Variants in SLC26A7 observed in about 807,000 individuals in gnomAD.
SLC26A7 encodes anion exchange transporter.
SLC26A7 carries 59 observed loss-of-function variants against 82.5 expected under a neutral mutation model. That is an observed-to-expected ratio of 0.72 (90% CI 0.58 to 0.89). SLC26A7 has a LOEUF of 0.89. Among genes scored for constraint, SLC26A7 ranks in the 40% least tolerant of loss-of-function variants. The pLI is 0.00. For synonymous variants in SLC26A7, 271 were observed against 274.3 expected (o/e 0.99, Z 0.12); for missense variants, 820 against 793.0 (o/e 1.03, Z -0.41).
intron 3 of SLC26A7, among the ~76,000 whole-genome samples, chr8:91,289,494 G>A (rs1291548452): frequency 1.3e-5 from 2 of 152,118 alleles, no homozygotes; most frequent in Non-Finnish European, 1.5e-5. Flanking sequence ...CACAAAAGAA[G>A]GGAGATGGGG....
At chr8:91,360,097 A>G (rs1355933020) in intron 11 of SLC26A7, among the ~76,000 whole-genome samples, 1 of 152,210 alleles carries the variant, frequency 6.6e-6, no homozygotes, top group African/African-American at 2.4e-5. Context: ...TCATTGGCTC[A>G]GAACTAAGTT....
At chr8:91,309,869 G>A (rs1812429372) in intron 4 of SLC26A7, among the ~76,000 whole-genome samples, 3 of 152,112 alleles carry the variant, frequency 2.0e-5, no homozygotes, top group Admixed American at 6.5e-5. Context: ...AGGGGAGCAT[G>A]TATAGTGTGT....
At chr8:91,380,555 C>A (rs534832734) in intron 15 of SLC26A7, among the ~76,000 whole-genome samples, 116 of 152,144 alleles carry the variant, frequency 7.6e-4, no homozygotes, top group African/African-American at 2.5e-3. Context: ...ACATTTATTC[C>A]CATGTAAGTA....
At chr8:91,245,086 G>C (rs950259723), upstream of SLC26A7, among the ~76,000 whole-genome samples, 32 of 152,108 alleles carry the variant, frequency 2.1e-4, no homozygotes, top group Non-Finnish European at 3.7e-4. Flanking sequence ...TTATATATGT[G>C]CGTCCATATT....
At chr8:91,326,594 G>T (rs1157026249) in intron 5 of SLC26A7, among the ~76,000 whole-genome samples, 1 of 152,090 alleles carries the variant, frequency 6.6e-6, no homozygotes, top group East Asian at 1.9e-4. Flanking sequence ...CTGAAGTACT[G>T]GGGGTTAGGA....
intron 5 of SLC26A7, among the ~76,000 whole-genome samples, chr8:91,326,275 C>G (rs2130819178): frequency 6.6e-6 from 1 of 152,284 alleles, no homozygotes; most frequent in South Asian, 2.1e-4. Flanking sequence ...AGGGCTGCCA[C>G]AATAAACTAT....
intron 3 of SLC26A7, among the ~76,000 whole-genome samples, chr8:91,293,150 T>G (rs1176065425): frequency 1.3e-5 from 2 of 152,212 alleles, no homozygotes; most frequent in Non-Finnish European, 2.9e-5. Context: ...TTGACCAAGA[T>G]CAGAGGTTCA....
At chr8:91,306,595 CCA>C (rs1221713246) in intron 4 of SLC26A7, among the ~76,000 whole-genome samples, 1 of 152,036 alleles carries the variant, frequency 6.6e-6, no homozygotes, top group Non-Finnish European at 1.5e-5. Context: ...GACATATAAC[CCA>C]CACAGTTTCC....
chr8:91,386,051 G>T (rs951767857), intron 15 of SLC26A7, among the ~76,000 whole-genome samples: 1 of 152,004 alleles, frequency 6.6e-6, no homozygotes, highest in Non-Finnish European at 1.5e-5. Context: ...AAATTGTAAG[G>T]TCTTGTTTGA....
intron 2 of SLC26A7, among the ~76,000 whole-genome samples, chr8:91,236,793 T>A (rs1217411601): frequency 6.6e-6 from 1 of 152,190 alleles, no homozygotes; most frequent in African/African-American, 2.4e-5. Flanking sequence ...TCATTATTAT[T>A]ACAAATAGTT....
rs1265224531 is a variant in SLC26A7 at position 91,295,542 on chromosome 8, T to G, written c.316T>G (p.Leu106Val). The G allele has an allele frequency of 1.2e-6, 2 of 1,612,618 alleles. No homozygotes were observed. The highest frequency in any genetic ancestry group is 1.3e-5 in the African/African-American group (1 of 74,920). The change falls in exon 4 of 19, where the codon TTG (leucine) becomes GTG (valine). Residue 106 changes from leucine (L) to valine (V), a missense_variant. By Grantham distance (32) the Leu-to-Val change is conservative. Coordinates refer to ENST00000276609, the MANE Select transcript of SLC26A7 (RefSeq NM_052832.4). Reference sequence around the variant, plus strand: ...CCACTTGGTTTCAGGCACCTTTGCCTTGACATCCTTAATATCAGCCAACGC... The same window carrying G: ...CCACTTGGTTTCAGGCACCTTTGCCGTGACATCCTTAATATCAGCCAACGC... ...GHHVATGTFALTSLISANAVE... is the reference protein window; with the variant it reads ...GHHVATGTFAVTSLISANAVE...
intron 2 of SLC26A7, among the ~76,000 whole-genome samples, chr8:91,256,490 A>C (rs951327338): frequency 2.0e-5 from 3 of 152,142 alleles, no homozygotes; most frequent in African/African-American, 4.8e-5. Context: ...TCTGGGTCTC[A>C]GTACATGTAT....
chr8:91,210,012 A>C (rs543867646), intron 1 of SLC26A7, among the ~76,000 whole-genome samples: 1 of 152,214 alleles, frequency 6.6e-6, no homozygotes, highest in Non-Finnish European at 1.5e-5. Flanking sequence ...AGACTATTAA[A>C]ATGTAACGTT....
At chr8:91,237,598 C>T (rs1339305204) in intron 2 of SLC26A7, among the ~76,000 whole-genome samples, 1 of 152,172 alleles carries the variant, frequency 6.6e-6, no homozygotes, top group African/African-American at 2.4e-5. Context: ...GCATGCCTGC[C>T]TCATTTTCAC....
At chr8:91,285,657 C>T (rs1327291527) in intron 2 of SLC26A7, among the ~76,000 whole-genome samples, 1 of 152,142 alleles carries the variant, frequency 6.6e-6, no homozygotes, top group Non-Finnish European at 1.5e-5. Flanking sequence ...AATAGCTGCT[C>T]CTTTGAATTG....
chr8:91,320,790 T>C (rs935860809), intron 5 of SLC26A7, among the ~76,000 whole-genome samples: 3 of 152,248 alleles, frequency 2.0e-5, no homozygotes, highest in Non-Finnish European at 4.4e-5. Context: ...GACTTTTCAC[T>C]CTTTGACATG....
intron 2 of SLC26A7, among the ~76,000 whole-genome samples, chr8:91,220,127 C>T (rs1237416837): frequency 6.6e-6 from 1 of 152,018 alleles, no homozygotes; most frequent in East Asian, 1.9e-4. Context: ...ATCCTCAAAC[C>T]AGAGAGCAAA....
At chr8:91,299,579 C>A (rs1446628729) in intron 4 of SLC26A7, among the ~76,000 whole-genome samples, 1 of 152,090 alleles carries the variant, frequency 6.6e-6, no homozygotes, top group Admixed American at 6.6e-5. Flanking sequence ...ACTTAAGATG[C>A]CACCATTATC....
At chr8:91,264,241 G>C (rs1811048528) in intron 2 of SLC26A7, among the ~76,000 whole-genome samples, 1 of 152,054 alleles carries the variant, frequency 6.6e-6, no homozygotes, top group African/African-American at 2.4e-5. Context: ...CCTTGGAATT[G>C]AAACACATGT....
Sources: gnomAD v4.1 joint callset for allele counts (sites outside exome capture counted in the v4.1 genomes callset) on GRCh38, gnomAD v4.1.1 for gene constraint, MANE v1.5 for transcripts, NCBI Gene and HGNC (gene_info 2026-07-23, HGNC 2026-07-21) for gene names.